The following TICAM1 variants were observed in gnomAD, a reference collection of about 807,000 sequenced individuals.
The protein encoded by TICAM1 is TIR domain containing adaptor molecule 1.
For missense variants in TICAM1, 895 were observed against 938.2 expected, an observed-to-expected ratio of 0.95 and a Z score of 0.60; for synonymous variants, 439 against 415.4, an observed-to-expected ratio of 1.06 and a Z score of -0.69.
Position 4,817,581 on chromosome 19 carries a change from T to G in TICAM1, c.797A>C (p.Glu266Ala), listed in dbSNP as rs1300806411. Residue 266 changes from glutamate to alanine, a missense_variant, in exon 2 of 2, where the codon GAG becomes GCG. By Grantham distance (107) the Glu-to-Ala change is moderately radical. Transcript: ENST00000248244. This position sits in a 1 kb window ranked among gnomAD's most constrained non-coding sequence, Gnocchi z 4.7. ...PPSGEIASPP[E>A]LPSSPPPGLP... is the part of the protein sequence containing the mutation. ...CCCAGGAGGTGGGCTGCTTGGCAGC[T>G]CTGGTGGGCTGGCAATCTCCCCCGA... 2 of 1,609,706 alleles carry G rather than the reference T, an allele frequency of 1.2e-6. No homozygotes were observed. The highest frequency in any genetic ancestry group is 8.5e-7 in the Non-Finnish European group (1 of 1,178,314).
At chr19:4,830,471 G>T (rs1426144231) in intron 1 of TICAM1, among the ~76,000 whole-genome samples, 1 of 152,056 alleles carries the variant, frequency 6.6e-6, no homozygotes, top group Non-Finnish European at 1.5e-5. Context: ...CTCCCACCTT[G>T]TCCTTTTTAA....
intron 1 of TICAM1, among the ~76,000 whole-genome samples, chr19:4,830,142 C>A (rs1568368211): frequency 6.6e-6 from 1 of 151,898 alleles, no homozygotes; most frequent in Non-Finnish European, 1.5e-5. Context: ...GGCTGGAGTG[C>A]AGTAGTGGGA....
chr19:4,816,342 AG>A lies in TICAM1; in HGVS notation c.2035del (p.Leu679SerfsTer13). 1 of 1,581,512 alleles carries A rather than the reference AG, an allele frequency of 6.3e-7. No homozygotes were observed. Among genetic ancestry groups the A allele is most frequent in the East Asian group, 2.2e-5 (1 of 44,620 alleles). Reference protein sequence around the residue: ...APPQSPGLQPLIIHHAQMVQL... With the variant: ...APPQSPGLQPXIIHHAQMVQL... ...TACCATCTGTGCGTGGTGGATAATGAGGGGTTGCAGCCCTGGGCTCTGAGGG... is the reference window on the plus strand; with the variant it reads ...TACCATCTGTGCGTGGTGGATAATGAGGGTTGCAGCCCTGGGCTCTGAGGG... On this transcript the variant is annotated frameshift_variant, in exon 2 of 2. Transcript: ENST00000248244. LOFTEE classifies it low-confidence loss of function (END_TRUNC). This position sits in a 1 kb window ranked among gnomAD's most constrained non-coding sequence, Gnocchi z 4.3.
chr19:4,823,191 G>T (rs374176557), intron 1 of TICAM1, among the ~76,000 whole-genome samples: 1 of 152,080 alleles, frequency 6.6e-6, no homozygotes, highest in South Asian at 2.1e-4. Flanking sequence ...ATGGCCAGGC[G>T]CAGTGGCTCA....
In TICAM1 at chr19:4,816,944, C is replaced by T. The variant is rs777706412; in HGVS notation, c.1434G>A (p.Thr478=). The change falls in exon 2 of 2, where the codon ACG becomes ACA. Residue 478 remains threonine (T), a synonymous_variant. Transcript: ENST00000248244. The surrounding 1 kb of genome is among the most constrained non-coding windows in gnomAD (Gnocchi z 4.3). ...TGACACAGTCTGGCGACCCCTGTCGCGTGAGGTTGCTCATCATGGCTTGGT... is the reference window on the plus strand; with the variant it reads ...TGACACAGTCTGGCGACCCCTGTCGTGTGAGGTTGCTCATCATGGCTTGGT... The part of the protein sequence containing the change: ...QVNQAMMSNL[T]RQGSPDCVIP... 11 of 1,613,862 alleles carry T rather than the reference C, an allele frequency of 6.8e-6. No homozygotes were observed. The highest frequency in any genetic ancestry group is 3.3e-4 in the Middle Eastern group (2 of 6,084).
rs141394423 is a variant in TICAM1, at chr19:4,817,840, G to A, written c.538C>T (p.Arg180Cys). The A allele has an allele frequency of 1.1e-3, 1,840 of 1,610,864 alleles. 4 individuals are homozygous for A. The highest frequency in any genetic ancestry group is 1.4e-3 in the Non-Finnish European group (1,658 of 1,179,042). ...ALPSGTRSLP[R>C]PIDGVSDWSQ... ...CAGTCCGAAACACCGTCAATGGGGC[G>A]TGGGAGGCTCCTGGTCCCAGAGGGC... is the stretch of plus-strand genomic sequence containing the variant. The change falls in exon 2 of 2, where the codon CGC becomes TGC. Residue 180 changes from arginine (R) to cysteine (C), a missense_variant. Arg to Cys is a radical substitution (Grantham distance 180). Transcript: ENST00000248244. This position sits in a 1 kb window ranked among gnomAD's most constrained non-coding sequence, Gnocchi z 4.7.
At chr19:4,827,233 C>A (rs1415919337) in intron 1 of TICAM1, among the ~76,000 whole-genome samples, 2 of 151,356 alleles carry the variant, frequency 1.3e-5, no homozygotes, top group East Asian at 2.0e-4. Flanking sequence ...AGCCTGTAAT[C>A]CCAGCTATTC....
In TICAM1 at chr19:4,816,392, G is replaced by C. The variant is rs1431054802; in HGVS notation, c.1986C>G (p.Ala662=). The change falls in exon 2 of 2, where the codon GCC becomes GCG. Residue 662 remains alanine, a synonymous_variant. Transcript: ENST00000248244. The surrounding 1 kb of genome is among the most constrained non-coding windows in gnomAD (Gnocchi z 4.3). ...PQSLPFPQSP[A]FPTASPAPPQ... is the part of the protein sequence containing the mutation. ...GGGGTGCGGGTGAGGCCGTAGGGAA[G>C]GCTGGGGACTGCGGGAAGGGCAGTG... The C allele has an allele frequency of 6.3e-7, 1 of 1,579,812 alleles. No homozygotes were observed. Among genetic ancestry groups the C allele is most frequent in the African/African-American group, 1.4e-5 (1 of 73,794 alleles).
chr19:4,821,473 C>T (rs1599145257), intron 1 of TICAM1, among the ~76,000 whole-genome samples: 1 of 152,104 alleles, frequency 6.6e-6, no homozygotes, highest in African/African-American at 2.4e-5. Flanking sequence ...AAACTGGGCA[C>T]AGTCCTGCCT....
At chr19:4,831,216 A>G (rs2093613184) in intron 1 of TICAM1, among the ~76,000 whole-genome samples, 1 of 149,816 alleles carries the variant, frequency 6.7e-6, no homozygotes, top group Non-Finnish European at 1.5e-5. Flanking sequence ...GCGTTGAGAG[A>G]AATATGGGGT....
chr19:4,827,495 C>T (rs916497352), intron 1 of TICAM1, among the ~76,000 whole-genome samples: 1 of 107,102 alleles, frequency 9.3e-6, no homozygotes, highest in African/African-American at 4.1e-5. Flanking sequence ...GTGGCTCACG[C>T]CTGTAATCCC....
Position 4,818,487 on chromosome 19 carries a change from C to G in TICAM1, c.-110G>C. 6.9e-7 allele frequency: 1 copy of G among 1,443,824 alleles called. No individual in the cohort carries two copies. The highest frequency in any genetic ancestry group is 9.1e-7 in the Non-Finnish European group (1 of 1,095,678). 89.4% of individuals were successfully genotyped at this position (1,443,824 alleles called of 1,614,324 possible). A position where few individuals can be genotyped will look rare whatever the true frequency, so the allele number is the denominator to read the frequency against. ...CAGTGTCCCCTACCCATTCACTGTT[C>G]CAGGTTCTGCAGGAGCTGCCCAAGC... On this transcript the variant is annotated 5_prime_UTR_variant, in exon 2 of 2. Coordinates refer to ENST00000248244, the MANE Select transcript of TICAM1 (RefSeq NM_182919.4). The surrounding 1 kb of genome is among the most constrained non-coding windows in gnomAD (Gnocchi z 4.0).
At chr19:4,823,202 C>T (rs564889004) in intron 1 of TICAM1, among the ~76,000 whole-genome samples, 147 of 152,038 alleles carry the variant, frequency 9.7e-4, no homozygotes, top group Admixed American at 1.4e-3. Context: ...CAGTGGCTCA[C>T]GCCTGTAATC....
At position 4,816,353 on chromosome 19, in the gene TICAM1, C is replaced by T; in HGVS notation, c.2025G>A (p.Gly675=). The change falls in exon 2 of 2, where the codon GGG becomes GGA. Residue 675 remains glycine (G), a synonymous_variant. Coordinates refer to ENST00000248244, the MANE Select transcript of TICAM1 (RefSeq NM_182919.4). The surrounding 1 kb of genome is among the most constrained non-coding windows in gnomAD (Gnocchi z 4.3). ...TASPAPPQSP[G]LQPLIIHHAQ... ...CGTGGTGGATAATGAGGGGTTGCAG[C>T]CCTGGGCTCTGAGGGGGTGCGGGTG... is the stretch of plus-strand genomic sequence containing the variant. 6.3e-7 allele frequency: 1 copy of T among 1,587,364 alleles called. No individual in the cohort carries two copies. The highest frequency in any genetic ancestry group is 2.2e-5 in the East Asian group (1 of 44,694).
At position 4,816,129 on chromosome 19, in the gene TICAM1, C is replaced by G; in HGVS notation, c.*110G>C. The G allele has an allele frequency of 7.5e-7, 1 of 1,337,640 alleles. No homozygotes were observed. Among genetic ancestry groups the G allele is most frequent in the South Asian group, 2.5e-5 (1 of 40,338 alleles). 82.9% of individuals were successfully genotyped at this position (1,337,640 alleles called of 1,614,324 possible). On this transcript the variant is annotated 3_prime_UTR_variant, in exon 2 of 2. Transcript: ENST00000248244. This position sits in a 1 kb window ranked among gnomAD's most constrained non-coding sequence, Gnocchi z 4.3. ...CAATGTCCTGAAAGTGGCAGATGAC[C>G]TCATCTTCCACTGTCCACAGGGCAC...
In TICAM1 at chr19:4,816,734, G is replaced by A; in HGVS notation, c.1644C>T (p.Ala548=). 1 of 1,613,950 alleles carries A rather than the reference G, an allele frequency of 6.2e-7. No homozygotes were observed. Among genetic ancestry groups the A allele is most frequent in the Non-Finnish European group, 8.5e-7 (1 of 1,180,016 alleles). ...AMWRKEQDTR[A]LREQSQHLDG... ...CCAGGTGTTGGCTCTGTTCCCGCAG[G>A]GCTCGGGTGTCCTGTTCCTTCCTCC... Residue 548 remains alanine, a synonymous_variant, in exon 2 of 2, where the codon GCC becomes GCT. Coordinates refer to ENST00000248244, the MANE Select transcript of TICAM1 (RefSeq NM_182919.4). The surrounding 1 kb of genome is among the most constrained non-coding windows in gnomAD (Gnocchi z 4.3).
At chr19:4,823,704 A>C (rs1390487793) in intron 1 of TICAM1, among the ~76,000 whole-genome samples, 1 of 152,134 alleles carries the variant, frequency 6.6e-6, no homozygotes, top group Non-Finnish European at 1.5e-5. Context: ...AGATGATGTG[A>C]GGAGACCCAG....
Position 4,816,607 on chromosome 19 carries a change from A to G in TICAM1, c.1771T>C (p.Phe591Leu). 1 of 1,613,914 alleles carries G rather than the reference A, an allele frequency of 6.2e-7. No individual in the cohort carries two copies. The highest frequency in any genetic ancestry group is 1.7e-4 in the Middle Eastern group (1 of 5,884). Residue 591 changes from phenylalanine (F) to leucine (L), a missense_variant, in exon 2 of 2, where the codon TTT becomes CTT. Physicochemically the swap from Phe to Leu is conservative, Grantham distance 22 (BLOSUM62 0). Transcript: ENST00000248244. The surrounding 1 kb of genome is among the most constrained non-coding windows in gnomAD (Gnocchi z 4.3). ...QAQMEQLQVA[F>L]GSHMSFGTGA... ...GTCCCAAATGACATGTGGCTCCCAA[A>G]AGCCACCTGGAGCTGCTCCATCTGT... is the stretch of plus-strand genomic sequence containing the variant.
rs939720063 is a variant in TICAM1, at chr19:4,817,608, G to A, written c.770C>T (p.Pro257Leu). ...CQEPEEMSWP[P>L]SGEIASPPEL... is the part of the protein sequence containing the mutation. The stretch of plus-strand genomic sequence containing the variant: ...TGGTGGGCTGGCAATCTCCCCCGAT[G>A]GCGGCCAGCTCATCTCCTCAGGCTC... The change falls in exon 2 of 2, where the codon CCA (proline) becomes CTA (leucine). Residue 257 changes from proline to leucine, a missense_variant. Transcript: ENST00000248244. This position sits in a 1 kb window ranked among gnomAD's most constrained non-coding sequence, Gnocchi z 4.7. 1.2e-6 allele frequency: 2 copies of A among 1,600,424 alleles called. No individual in the cohort carries two copies. The highest frequency in any genetic ancestry group is 2.7e-5 in the African/African-American group (2 of 74,724).
Sources: allele counts gnomAD v4.1 joint callset (sites outside exome capture counted in the v4.1 genomes callset), GRCh38; gene constraint gnomAD v4.1.1; non-coding constraint Gnocchi (gnomAD v3.1); transcripts MANE v1.5; gene names NCBI Gene and HGNC (gene_info 2026-07-23, HGNC 2026-07-21).